The following CYP2C19 variants were observed in gnomAD, a reference collection of about 807,000 sequenced individuals.
The protein encoded by CYP2C19 is cytochrome P450 2C19.
Under a neutral mutation model 40.9 loss-of-function variants are expected in CYP2C19, and 59 were observed. The observed-to-expected ratio is 1.44, with a 90% confidence interval of 1.17 to 1.79. The LOEUF (loss-of-function observed/expected upper bound fraction) is 1.79, where lower values mean the gene tolerates loss of function less well. CYP2C19 is among the 40% of genes most tolerant of loss of function. The pLI is 0.00. For synonymous variants in CYP2C19, 253 were observed against 208.7 expected, an observed-to-expected ratio of 1.21 and a Z score of -1.83; for missense variants, 754 against 596.9, an observed-to-expected ratio of 1.26 and a Z score of -2.74.
At chr10:94,822,497 C>T (rs1310324221) in intron 6 of CYP2C19, among the ~76,000 whole-genome samples, 1 of 152,074 alleles carries the variant, frequency 6.6e-6, no homozygotes, top group Non-Finnish European at 1.5e-5. Context: ...AAGTTGATTC[C>T]ATTTTTTTGC....
At chr10:94,813,857 G>T (rs990094231) in intron 5 of CYP2C19, among the ~76,000 whole-genome samples, 2 of 151,636 alleles carry the variant, frequency 1.3e-5, no homozygotes, top group African/African-American at 4.9e-5. Flanking sequence ...CAGCTATCTT[G>T]GTGTCTGCCC....
At chr10:94,817,237 C>A (rs1849020284) in intron 5 of CYP2C19, among the ~76,000 whole-genome samples, 1 of 147,954 alleles carries the variant, frequency 6.8e-6, no homozygotes, top group South Asian at 2.2e-4. Context: ...CTCTCCAGCA[C>A]CTGTTGTTTC....
At chr10:94,809,904 C>T (rs1829117236) in intron 5 of CYP2C19, among the ~76,000 whole-genome samples, 1 of 152,036 alleles carries the variant, frequency 6.6e-6, no homozygotes, top group South Asian at 2.1e-4. Flanking sequence ...TATTTTGAGA[C>T]AGAGTCTTGC....
intron 1 of CYP2C19, among the ~76,000 whole-genome samples, chr10:94,765,582 G>A (rs769854029): frequency 6.6e-6 from 1 of 152,088 alleles, no homozygotes; most frequent in African/African-American, 2.4e-5. Context: ...ACCGTTCTGT[G>A]TCTACTAGGA....
At chr10:94,798,859 A>G (rs1254172874) in intron 5 of CYP2C19, among the ~76,000 whole-genome samples, 1 of 102,880 alleles carries the variant, frequency 9.7e-6, no homozygotes. Context: ...TGCTTGGTAG[A>G]TCTTCCTCCA....
In CYP2C19 at chr10:94,814,180, C is replaced by G. The variant is rs967282751; in HGVS notation, c.820-6316C>G. On this transcript the variant is annotated intron_variant, in intron 5 of 8. Transcript: ENST00000371321. ...AGTTGGAAATGCAGAAATCACCTAC[C>G]TTCTTCATTGATCTCGCTGGGAGCT... 3.3e-5 allele frequency among the ~76,000 whole-genome samples: 5 copies of G among 151,382 alleles called. No individual in the cohort carries two copies. The East Asian group carries it at 9.7e-4, about 29-fold the overall frequency.
Position 94,780,543 on chromosome 10 carries a change from A to G in CYP2C19, c.526A>G (p.Asn176Asp). 1 of 1,613,870 alleles carries G rather than the reference A, an allele frequency of 6.2e-7. No individual in the cohort carries two copies. The highest frequency in any genetic ancestry group is 1.1e-5 in the South Asian group (1 of 91,068). ...TTTCATCCTGGGCTGTGCTCCCTGC[A>G]ATGTGATCTGCTCCATTATTTTCCA... Reference protein sequence around the residue: ...PTFILGCAPCNVICSIIFQKR... With the variant: ...PTFILGCAPCDVICSIIFQKR... The change falls in exon 4 of 9, where the codon AAT (asparagine) becomes GAT (aspartate). Residue 176 changes from asparagine to aspartate, a missense_variant. By Grantham distance (23) the Asn-to-Asp change is conservative. Coordinates refer to ENST00000371321, the MANE Select transcript of CYP2C19 (RefSeq NM_000769.4).
intron 6 of CYP2C19, among the ~76,000 whole-genome samples, chr10:94,837,033 G>A (rs1849415243): frequency 6.7e-6 from 1 of 148,270 alleles, no homozygotes; most frequent in Non-Finnish European, 1.5e-5. Context: ...GAGTCAGGAT[G>A]TACAGGGATG....
chr10:94,849,480 T>TA (rs1849619995), intron 7 of CYP2C19, among the ~76,000 whole-genome samples: 1 of 152,074 alleles, frequency 6.6e-6, no homozygotes. Flanking sequence ...GGATTTTTTT[T>TA]AAATTTTATT....
intron 6 of CYP2C19, among the ~76,000 whole-genome samples, chr10:94,825,831 T>C (rs1246654810): frequency 6.8e-6 from 1 of 147,654 alleles, no homozygotes; most frequent in Non-Finnish European, 1.5e-5. Flanking sequence ...AATTGATTTT[T>C]GTATAAGGTG....
chr10:94,793,874 C>T (rs989781192), intron 5 of CYP2C19, among the ~76,000 whole-genome samples: 3 of 152,184 alleles, frequency 2.0e-5, no homozygotes, highest in East Asian at 3.9e-4. Context: ...AGAAACACCA[C>T]TTTCTTCAAA....
intron 1 of CYP2C19, among the ~76,000 whole-genome samples, chr10:94,772,830 G>A (rs1209471519): frequency 2.0e-5 from 3 of 152,140 alleles, no homozygotes; most frequent in African/African-American, 4.8e-5. Flanking sequence ...GCCGGACTGC[G>A]GACTGCAGTG....
intron 6 of CYP2C19, among the ~76,000 whole-genome samples, chr10:94,841,064 G>C (rs1356721256): frequency 6.6e-6 from 1 of 152,188 alleles, no homozygotes; most frequent in East Asian, 1.9e-4. Flanking sequence ...CCACTTCCAA[G>C]ATGGTGGTGG....
intron 3 of CYP2C19, among the ~76,000 whole-genome samples, chr10:94,780,172 A>C (rs1385397814): frequency 6.6e-6 from 1 of 152,148 alleles, no homozygotes; most frequent in Non-Finnish European, 1.5e-5. Flanking sequence ...GACTTTGCAG[A>C]CTGATGTGAT....
intron 5 of CYP2C19, among the ~76,000 whole-genome samples, chr10:94,798,734 C>T (rs1296129584): frequency 1.3e-5 from 2 of 151,308 alleles, no homozygotes; most frequent in Non-Finnish European, 2.9e-5. Context: ...ATCCCTTTAC[C>T]ATTATGTAAT....
At chr10:94,849,590 C>G (rs1849621695) in intron 7 of CYP2C19, among the ~76,000 whole-genome samples, 1 of 150,624 alleles carries the variant, frequency 6.6e-6, no homozygotes, top group Admixed American at 6.6e-5. Context: ...ATTAACTCAT[C>G]ATTTAGCATT....
chr10:94,842,465 A>G (rs1269601975), intron 6 of CYP2C19, among the ~76,000 whole-genome samples: 2 of 114,838 alleles, frequency 1.7e-5, no homozygotes, highest in Non-Finnish European at 3.5e-5. Context: ...TTGTCTTTTG[A>G]TTGGAAATTT....
chr10:94,770,478 A>T (rs940157394), intron 1 of CYP2C19, among the ~76,000 whole-genome samples: 10 of 151,944 alleles, frequency 6.6e-5, no homozygotes, highest in Non-Finnish European at 2.9e-5. Context: ...CTCTGATCTC[A>T]GTTTTCCTTT....
chr10:94,768,952 T>C (rs1848288859), intron 1 of CYP2C19, among the ~76,000 whole-genome samples: 1 of 152,048 alleles, frequency 6.6e-6, no homozygotes, highest in African/African-American at 2.4e-5. Context: ...TTGATTAGAG[T>C]ACAGAGGGGC....
Sources: gnomAD v4.1 joint callset for allele counts (sites outside exome capture counted in the v4.1 genomes callset) on GRCh38, gnomAD v4.1.1 for gene constraint, MANE v1.5 for transcripts, NCBI Gene and HGNC (gene_info 2026-07-23, HGNC 2026-07-21) for gene names.